PPM1K: variants seen among roughly 807,000 people sequenced by gnomAD.
PPM1K encodes the protein protein phosphatase, Mg2+/Mn2+ dependent 1K.
Under a neutral mutation model 32.6 loss-of-function variants are expected in PPM1K, and 19 were observed. That is an observed-to-expected ratio of 0.58 (90% CI 0.41 to 0.86). The LOEUF (loss-of-function observed/expected upper bound fraction) is 0.86, where lower values mean the gene tolerates loss of function less well. Among genes scored for constraint, PPM1K ranks in the 40% least tolerant of loss-of-function variants. The probability of loss-of-function intolerance (pLI) is 0.00; values close to 1 mark genes in which losing one functional copy is unlikely to be tolerated. For missense variants in PPM1K, 362 were observed against 461.2 expected, an observed-to-expected ratio of 0.78 and a Z score of 1.97; for synonymous variants, 159 against 165.3, an observed-to-expected ratio of 0.96 and a Z score of 0.29.
chr4:88,269,102 A>C (rs767114756), intron 3 of PPM1K, among the ~76,000 whole-genome samples, 196 bp from the exon 4 acceptor site: 1 of 152,268 alleles, frequency 6.6e-6, no homozygotes, highest in Non-Finnish European at 1.5e-5. Context: ...TATTTAATTC[A>C]GTAACAAGTC....
chr4:88,268,181 CTTT>C lies in PPM1K; in HGVS notation c.852+6_852+8del. On this transcript the variant is annotated splice_donor_region_variant and intron_variant, in intron 5 of 6. Transcript: ENST00000608933. ...CAGGTTTATCAAGTGTTTGCAGGTCCTTTCTTACCTTAATCCTCTTAGTTTCAG... is the reference window on the plus strand; with the variant it reads ...CAGGTTTATCAAGTGTTTGCAGGTCCCTTACCTTAATCCTCTTAGTTTCAG... 1 of 1,613,822 alleles carries C rather than the reference CTTT, an allele frequency of 6.2e-7. No individual in the cohort carries two copies. The highest frequency in any genetic ancestry group is 8.5e-7 in the Non-Finnish European group (1 of 1,179,812).
At chr4:88,276,606 T>C in intron 3 of PPM1K, 2 of 985,124 alleles carry the variant, frequency 2.0e-6, no homozygotes, top group Non-Finnish European at 2.4e-6. Context: ...ATTGAGCTTT[T>C]TAAGAAGTGA....
At chr4:88,276,529 A>T in intron 3 of PPM1K, 1 of 985,434 alleles carries the variant, frequency 1.0e-6, no homozygotes, top group Non-Finnish European at 1.2e-6. Flanking sequence ...CAGTACACAA[A>T]ATTTTAAATT....
intron 3 of PPM1K, 38 bp from the exon 4 acceptor site, chr4:88,268,944 C>T (rs773710942): frequency 1.3e-6 from 2 of 1,525,240 alleles, no homozygotes; most frequent in Middle Eastern, 3.5e-4. Flanking sequence ...AAGTTAGTGA[C>T]AGTCAAATGA....
chr4:88,283,385 G>A (rs1732095090), intron 1 of PPM1K, among the ~76,000 whole-genome samples: 1 of 152,256 alleles, frequency 6.6e-6, no homozygotes, highest in Admixed American at 6.5e-5. Context: ...GATCACAGGC[G>A]TGAGCCATTG....
chr4:88,277,197 C>T lies in PPM1K; in HGVS notation c.487G>A (p.Ala163Thr). The T allele has an allele frequency of 1.2e-6, 2 of 1,614,020 alleles. No homozygotes were observed. Among genetic ancestry groups the T allele is most frequent in the African/African-American group, 1.3e-5 (1 of 75,020 alleles). The change falls in exon 3 of 7, where the codon GCT (alanine) becomes ACT (threonine). Residue 163 changes from alanine to threonine, a missense_variant. Physicochemically the swap from Ala to Thr is moderately conservative, Grantham distance 58 (BLOSUM62 0). Coordinates refer to ENST00000608933, the MANE Select transcript of PPM1K (RefSeq NM_152542.5). ...EKNLETLLTL[A>T]FLEIDKAFSS... Reference sequence around the variant, plus strand: ...AAGGCTTTATCTATTTCTAGAAAAGCCAAGGTCAACAGAGTTTCCAAGTTC... The same window carrying T: ...AAGGCTTTATCTATTTCTAGAAAAGTCAAGGTCAACAGAGTTTCCAAGTTC...
chr4:88,259,599 A>G lies in PPM1K; in HGVS notation c.*2996T>C, dbSNP rs1282197584. On this transcript the variant is annotated 3_prime_UTR_variant, in exon 7 of 7. Coordinates refer to ENST00000608933, the MANE Select transcript of PPM1K (RefSeq NM_152542.5). ...TCCCTTTTTTTTTACTATGATTTGCATATTTTCCAGTATCCTAATACATGC... is the reference window on the plus strand; with the variant it reads ...TCCCTTTTTTTTTACTATGATTTGCGTATTTTCCAGTATCCTAATACATGC... 1 of 152,180 alleles carries G rather than the reference A, an allele frequency of 6.6e-6. No homozygotes were observed. The highest frequency in any genetic ancestry group is 1.5e-5 in the Non-Finnish European group (1 of 68,030). The allele number at this position is 152,180 out of a possible 1,614,324, so 9.4% of individuals were successfully genotyped here. A position where few individuals can be genotyped will look rare whatever the true frequency, so the allele number is the denominator to read the frequency against.
At chr4:88,262,928 C>T (rs530288709) in intron 6 of PPM1K, among the ~76,000 whole-genome samples, 150 of 152,284 alleles carry the variant, frequency 9.9e-4, no homozygotes, top group Non-Finnish European at 1.4e-3. Context: ...AAATTGCACA[C>T]GGAATAACAG....
At chr4:88,262,802 C>T in intron 6 of PPM1K, 76 bp from the exon 7 acceptor site, 1 of 1,482,978 alleles carries the variant, frequency 6.7e-7, no homozygotes, top group Non-Finnish European at 9.0e-7. Context: ...GCCTTTCCTT[C>T]CCTTGGAAAT....
chr4:88,283,049 C>T (rs138193890), intron 1 of PPM1K, among the ~76,000 whole-genome samples: 1 of 152,348 alleles, frequency 6.6e-6, no homozygotes, highest in African/African-American at 2.4e-5. Flanking sequence ...ATCAGACACA[C>T]ACACACGCAC....
chr4:88,280,902 A>G (rs190376129), intron 1 of PPM1K, among the ~76,000 whole-genome samples: 1 of 152,276 alleles, frequency 6.6e-6, no homozygotes, highest in Admixed American at 6.5e-5. Flanking sequence ...CCATTGCAAG[A>G]GATGTTTGTT....
At chr4:88,262,855 T>A in intron 6 of PPM1K, 129 bp from the exon 7 acceptor site, 1 of 883,782 alleles carries the variant, frequency 1.1e-6, no homozygotes, top group Non-Finnish European at 1.6e-6. Context: ...GTGCAGTTAC[T>A]AACCTACTTA....
Position 88,265,067 on chromosome 4 carries a change from T to C in PPM1K, c.921A>G (p.Gln307=). ...ACTGATTGACAAAGTCACAAATCTC[T>C]TGACTATTCACCATGAAGTTAATTC... ...TDGINFMVNS[Q]EICDFVNQCH... The change falls in exon 6 of 7, where the codon CAA becomes CAG. Residue 307 remains glutamine (Q), a synonymous_variant. Transcript: ENST00000608933. 6.2e-7 allele frequency: 1 copy of C among 1,614,184 alleles called. No homozygotes were observed. The highest frequency in any genetic ancestry group is 1.6e-4 in the Middle Eastern group (1 of 6,062).
At chr4:88,263,588 A>C (rs1731204666) in intron 6 of PPM1K, among the ~76,000 whole-genome samples, 1 of 152,138 alleles carries the variant, frequency 6.6e-6, no homozygotes, top group African/African-American at 2.4e-5. Flanking sequence ...ACAGGCATGT[A>C]CCACCATGCC....
At position 88,274,691 on chromosome 4, in the gene PPM1K, TTTAAAC is replaced by T. The variant is rs548549504; in HGVS notation, c.541+2446_541+2451del. ...TTCAGTTCTTGCTAAAAACTAAAGT[TTTAAAC>T]TTAAATAATAACTTTGAAATTTAAA... On this transcript the variant is annotated intron_variant, in intron 3 of 6. Transcript: ENST00000608933. Among the ~76,000 whole-genome samples, 27 of 152,332 alleles carry T rather than the reference TTTAAAC, an allele frequency of 1.8e-4. No homozygotes were observed. In the South Asian group the frequency reaches 5.2e-3, roughly 29 times the overall value.
chr4:88,278,437 C>T lies in PPM1K; in HGVS notation c.147G>A (p.Arg49=), dbSNP rs765734422. The change falls in exon 2 of 7, where the codon CGG becomes CGA. Residue 49 remains arginine (R), a synonymous_variant. Coordinates refer to ENST00000608933, the MANE Select transcript of PPM1K (RefSeq NM_152542.5). The surrounding 1 kb of genome is among the most constrained non-coding windows in gnomAD (Gnocchi z 4.2). ...HSSTSEPRCS[R]FDPDGSGSPA... ...GACTCCCACTACCATCTGGGTCAAA[C>T]CGAGAACACCTAGGCTCTGAAGTGG... 2 of 1,614,208 alleles carry T rather than the reference C, an allele frequency of 1.2e-6. No individual in the cohort carries two copies. Among genetic ancestry groups the T allele is most frequent in the Admixed American group, 1.7e-5 (1 of 60,022 alleles).
chr4:88,276,903 G>A (rs983771245), intron 3 of PPM1K: 6 of 839,704 alleles, frequency 7.1e-6, no homozygotes, highest in Admixed American at 8.4e-5. Context: ...GAACTGTTTC[G>A]GGGCTTCTCT....
At position 88,277,879 on chromosome 4, in the gene PPM1K, T is replaced by C. The variant is rs553977425; in HGVS notation, c.440+265A>G. ...CTCATAGGTTATCTCATGTACATTA[T>C]GCCACTTCACTTAAAATGATCACAA... is the stretch of plus-strand genomic sequence containing the variant. On this transcript the variant is annotated intron_variant, in intron 2 of 6. Coordinates refer to ENST00000608933, the MANE Select transcript of PPM1K (RefSeq NM_152542.5). 9.7e-6 allele frequency: 5 copies of C among 516,998 alleles called. No individual in the cohort carries two copies. In the East Asian group the frequency reaches 1.4e-4, roughly 14 times the overall value. The allele number at this position is 516,998 out of a possible 1,614,324, so 32.0% of individuals were successfully genotyped here.
Position 88,258,652 on chromosome 4 carries a change from T to C in PPM1K, c.*3943A>G, listed in dbSNP as rs1730999985. 1 of 151,766 alleles carries C rather than the reference T, an allele frequency of 6.6e-6. No individual in the cohort carries two copies. Among genetic ancestry groups the C allele is most frequent in the Non-Finnish European group, 1.5e-5 (1 of 67,966 alleles). The allele number at this position is 151,766 out of a possible 1,614,324, so 9.4% of individuals were successfully genotyped here. On this transcript the variant is annotated 3_prime_UTR_variant, in exon 7 of 7. Coordinates refer to ENST00000608933, the MANE Select transcript of PPM1K (RefSeq NM_152542.5). ...AAGAAAAAAAAAAAATTCCATCTTT[T>C]AGATTATGTGCTAATAATTCTCTTT... is the stretch of plus-strand genomic sequence containing the variant.
Sources: gnomAD v4.1 joint callset for allele counts (sites outside exome capture counted in the v4.1 genomes callset) on GRCh38, gnomAD v4.1.1 for gene constraint, Gnocchi (gnomAD v3.1) non-coding constraint, MANE v1.5 for transcripts, NCBI Gene and HGNC (gene_info 2026-07-23, HGNC 2026-07-21) for gene names.